The following CEP43 variants were observed in gnomAD, a reference collection of about 807,000 sequenced individuals.
CEP43 encodes FGFR1 oncogene partner.
In CEP43, 36 loss-of-function variants were observed where a neutral mutation model predicts 52.6. The ratio of observed to expected loss-of-function variants is 0.68; its 90% confidence interval spans 0.52 to 0.90. The LOEUF (loss-of-function observed/expected upper bound fraction) is 0.90, where lower values mean the gene tolerates loss of function less well. Among genes scored for constraint, CEP43 ranks in the 40% least tolerant of loss-of-function variants. CEP43 has a pLI of 0.00. For missense variants in CEP43, 506 were observed against 472.8 expected (o/e 1.07, Z -0.65); for synonymous variants, 192 against 172.4 (o/e 1.11, Z -0.89).
chr6:167,032,522 T>A, intron 10 of CEP43, 81 bp from the exon 11 acceptor site: 1 of 1,299,120 alleles, frequency 7.7e-7, no homozygotes, highest in Non-Finnish European at 1.0e-6. Context: ...ATAATTAATT[T>A]TTTTTAAGGA....
intron 7 of CEP43, among the ~76,000 whole-genome samples, chr6:167,017,712 C>T (rs1780135359): frequency 6.6e-6 from 1 of 151,464 alleles, no homozygotes; most frequent in Non-Finnish European, 1.5e-5. Flanking sequence ...AAATGATTGG[C>T]TTCTTTATTA....
In CEP43 at chr6:167,050,047, A is replaced by C. The variant is rs986883577; in HGVS notation, c.*10069A>C. ...GTTGATATGGCTTCGCTGTGTCCCC[A>C]CTCAAAATCTCATCTTGACTTGTAA... On this transcript the variant is annotated 3_prime_UTR_variant, in exon 13 of 13. Transcript: ENST00000366847. 1.1e-4 allele frequency: 16 copies of C among 152,152 alleles called. No individual in the cohort carries two copies. The highest frequency in any genetic ancestry group is 1.0e-3 in the Admixed American group (16 of 15,278). The allele number at this position is 152,152 out of a possible 1,614,324, so 9.4% of individuals were successfully genotyped here.
intron 7 of CEP43, among the ~76,000 whole-genome samples, chr6:167,020,101 C>T (rs1315764758): frequency 6.6e-6 from 1 of 152,154 alleles, no homozygotes; most frequent in East Asian, 1.9e-4. Flanking sequence ...ATTACAACTG[C>T]TGTGAATTAC....
intron 7 of CEP43, among the ~76,000 whole-genome samples, chr6:167,018,233 A>G (rs1780145439): frequency 6.6e-6 from 1 of 152,142 alleles, no homozygotes; most frequent in South Asian, 2.1e-4. Context: ...ATCTTAACTA[A>G]ATACATCTGC....
chr6:167,041,396 C>G lies in CEP43; in HGVS notation c.*1418C>G. ...ACTGGGCCGGTACAGCCTGGGAGCCCTGTGTATTTCTGCCCTCCGTCTGTG... is the reference window on the plus strand; with the variant it reads ...ACTGGGCCGGTACAGCCTGGGAGCCGTGTGTATTTCTGCCCTCCGTCTGTG... On this transcript the variant is annotated 3_prime_UTR_variant, in exon 13 of 13. Coordinates refer to ENST00000366847, the MANE Select transcript of CEP43 (RefSeq NM_007045.4). 9.4e-7 allele frequency: 1 copy of G among 1,061,140 alleles called. No individual in the cohort carries two copies. Among genetic ancestry groups the G allele is most frequent in the Non-Finnish European group, 1.1e-6 (1 of 876,634 alleles). The allele number at this position is 1,061,140 out of a possible 1,614,324, so 65.7% of individuals were successfully genotyped here. A position where few individuals can be genotyped will look rare whatever the true frequency, so the allele number is the denominator to read the frequency against.
intron 7 of CEP43, among the ~76,000 whole-genome samples, chr6:167,015,609 C>T (rs925106106): frequency 3.9e-5 from 6 of 152,142 alleles, no homozygotes; most frequent in Non-Finnish European, 8.8e-5. Context: ...GCAGGAGGGC[C>T]TAGGGTACCG....
intron 9 of CEP43, 32 bp downstream of exon 9, chr6:167,024,926 C>T (rs767657286): frequency 5.0e-6 from 6 of 1,208,756 alleles, no homozygotes; most frequent in Middle Eastern, 1.9e-4. Context: ...CTTCAATACT[C>T]GGGATATTTT....
chr6:167,045,279 T>G lies in CEP43; in HGVS notation c.*5301T>G, dbSNP rs1780775790. ...CCATGCCCGGCGAATTTTTTTTGTA[T>G]TTTTAGTAGACACGGGATCTCACCG... On this transcript the variant is annotated 3_prime_UTR_variant, in exon 13 of 13. Coordinates refer to ENST00000366847, the MANE Select transcript of CEP43 (RefSeq NM_007045.4). 6.6e-6 allele frequency: 1 copy of G among 151,700 alleles called. No homozygotes were observed. The highest frequency in any genetic ancestry group is 2.1e-4 in the South Asian group (1 of 4,798). 9.4% of individuals were successfully genotyped at this position (151,700 alleles called of 1,614,324 possible).
At chr6:167,007,814 C>A (rs1418892898) in intron 5 of CEP43, among the ~76,000 whole-genome samples, 1 of 152,206 alleles carries the variant, frequency 6.6e-6, no homozygotes, top group African/African-American at 2.4e-5. Flanking sequence ...TTATTGGATG[C>A]TCCCAAGCCG....
Position 167,041,717 on chromosome 6 carries a change from T to A in CEP43, c.*1739T>A. ...ACTTTCGAACAGTAGCAACTGAAAT[T>A]TGTCACTTTTCTGTTACGCAGAGAA... On this transcript the variant is annotated 3_prime_UTR_variant, in exon 13 of 13. Coordinates refer to ENST00000366847, the MANE Select transcript of CEP43 (RefSeq NM_007045.4). The A allele has an allele frequency of 1.9e-6, 2 of 1,035,830 alleles. No homozygotes were observed. The highest frequency in any genetic ancestry group is 2.3e-6 in the Non-Finnish European group (2 of 860,556). The allele number at this position is 1,035,830 out of a possible 1,614,324, so 64.2% of individuals were successfully genotyped here.
intron 12 of CEP43, among the ~76,000 whole-genome samples, chr6:167,038,732 T>C (rs1780632457): frequency 6.6e-6 from 1 of 152,234 alleles, no homozygotes; most frequent in South Asian, 2.1e-4. Context: ...TCAACACAGC[T>C]TTAAATATGA....
chr6:167,019,668 T>C (rs778555636), intron 7 of CEP43, among the ~76,000 whole-genome samples: 1 of 152,230 alleles, frequency 6.6e-6, no homozygotes, highest in Non-Finnish European at 1.5e-5. Flanking sequence ...TTTACAAGTA[T>C]GTGTTGTGTA....
chr6:167,024,501 G>A (rs1450582143), intron 8 of CEP43, among the ~76,000 whole-genome samples: 2 of 151,960 alleles, frequency 1.3e-5, no homozygotes, highest in Admixed American at 6.6e-5. Context: ...AAGGGCTTCC[G>A]AAAAAAATCA....
chr6:167,009,699 G>A (rs1448333857), intron 5 of CEP43, among the ~76,000 whole-genome samples: 2 of 150,820 alleles, frequency 1.3e-5, no homozygotes. Flanking sequence ...AGTTGGGTGC[G>A]GTGGTGCATT....
At chr6:167,017,889 G>C (rs1227703459) in intron 7 of CEP43, among the ~76,000 whole-genome samples, 1 of 152,106 alleles carries the variant, frequency 6.6e-6, no homozygotes, top group Non-Finnish European at 1.5e-5. Context: ...GACAAAACTT[G>C]TTTTAGTTTT....
intron 6 of CEP43, among the ~76,000 whole-genome samples, chr6:167,011,241 T>C (rs1779977411): frequency 6.6e-6 from 1 of 152,084 alleles, no homozygotes; most frequent in Non-Finnish European, 1.5e-5. Context: ...GCTAGAAATA[T>C]GTATTATAGG....
At chr6:167,011,872 C>T (rs60459049) in intron 6 of CEP43, among the ~76,000 whole-genome samples, 2 of 152,158 alleles carry the variant, frequency 1.3e-5, no homozygotes, top group Admixed American at 6.5e-5. Context: ...CTGCTCACCC[C>T]GCAAAGGCTC....
intron 7 of CEP43, among the ~76,000 whole-genome samples, chr6:167,021,799 A>T (rs545338064): frequency 6.6e-6 from 1 of 152,168 alleles, no homozygotes; most frequent in Non-Finnish European, 1.5e-5. Context: ...TAGAATTGAG[A>T]TAATTACTTT....
chr6:167,004,054 G>A, intron 4 of CEP43: 5 of 598,514 alleles, frequency 8.4e-6, no homozygotes, highest in South Asian at 5.0e-5. Flanking sequence ...ATTTTGATAC[G>A]ATGTTAGAGT....
Sources: gnomAD v4.1 joint callset for allele counts (sites outside exome capture counted in the v4.1 genomes callset) on GRCh38, gnomAD v4.1.1 for gene constraint, MANE v1.5 for transcripts, NCBI Gene and HGNC (gene_info 2026-07-23, HGNC 2026-07-21) for gene names.